Variants in BTBD9 observed in about 807,000 individuals in gnomAD.
The protein encoded by BTBD9 is BTB/POZ domain-containing protein 9.
In BTBD9, 49 loss-of-function variants were observed where a neutral mutation model predicts 64.3. The observed-to-expected ratio is 0.76, with a 90% confidence interval of 0.61 to 0.97. BTBD9 has a LOEUF of 0.97. Ranked by LOEUF, BTBD9 falls within the 50% of genes least tolerant of loss-of-function variation. The pLI is 0.00. For missense variants in BTBD9, 598 were observed against 762.1 expected (o/e 0.78, Z 2.53); for synonymous variants, 260 against 274.7 (o/e 0.95, Z 0.53).
chr6:38,320,554 G>T (rs546989163), intron 7 of BTBD9, among the ~76,000 whole-genome samples: 1 of 152,112 alleles, frequency 6.6e-6, no homozygotes, highest in Non-Finnish European at 1.5e-5. Context: ...TAGAAAGCAG[G>T]CATTCAGAGA....
intron 3 of BTBD9, among the ~76,000 whole-genome samples, chr6:38,593,184 G>A (rs1415948625): frequency 2.0e-5 from 3 of 152,168 alleles, no homozygotes; most frequent in South Asian, 4.1e-4. Flanking sequence ...ACATTGTTAA[G>A]TTAGAAAGAC....
At chr6:38,181,658 G>T (rs1179131007) in intron 10 of BTBD9, among the ~76,000 whole-genome samples, 2 of 152,162 alleles carry the variant, frequency 1.3e-5, no homozygotes, top group Non-Finnish European at 2.9e-5. Flanking sequence ...ATAAACCTTG[G>T]TTTTTTATGT....
chr6:38,629,665 T>C lies in BTBD9; in HGVS notation c.-28+10135A>G, dbSNP rs150916268. ...GGTGAAACCCTGTCTCTACTAAAAATACAAAAATTAGCTGGGTGTGATGGC... is the reference window on the plus strand; with the variant it reads ...GGTGAAACCCTGTCTCTACTAAAAACACAAAAATTAGCTGGGTGTGATGGC... On this transcript the variant is annotated intron_variant, in intron 1 of 10. Coordinates refer to ENST00000481247, the MANE Select transcript of BTBD9 (RefSeq NM_001099272.2). Among the ~76,000 whole-genome samples the C allele has an allele frequency of 4.2e-3, 634 of 150,430 alleles. 9 individuals are homozygous for C. Among genetic ancestry groups the C allele is most frequent in the African/African-American group, 0.015 (601 of 40,868 alleles).
chr6:38,503,424 A>C (rs1231924129), intron 6 of BTBD9, among the ~76,000 whole-genome samples: 1 of 150,254 alleles, frequency 6.7e-6, no homozygotes, highest in African/African-American at 2.5e-5. Flanking sequence ...TCCCTCTCCA[A>C]CCTCTCTCTC....
chr6:38,381,716 C>G (rs1045153883), intron 6 of BTBD9, among the ~76,000 whole-genome samples: 1 of 152,072 alleles, frequency 6.6e-6, no homozygotes, highest in African/African-American at 2.4e-5. Context: ...TTTAAAGGAT[C>G]AGTATCACAC....
intron 9 of BTBD9, among the ~76,000 whole-genome samples, chr6:38,217,678 A>T (rs866681235): frequency 2.0e-5 from 3 of 151,082 alleles, no homozygotes; most frequent in Admixed American, 6.6e-5. Context: ...TTTTTTAAAC[A>T]TTATTATTTT....
intron 9 of BTBD9, among the ~76,000 whole-genome samples, chr6:38,255,769 C>A (rs964682604): frequency 6.6e-6 from 1 of 152,038 alleles, no homozygotes; most frequent in Non-Finnish European, 1.5e-5. Context: ...GATAGAGCCC[C>A]ATAATAACTA....
At chr6:38,361,421 T>C (rs1337601848) in intron 6 of BTBD9, among the ~76,000 whole-genome samples, 2 of 152,056 alleles carry the variant, frequency 1.3e-5, no homozygotes, top group South Asian at 2.1e-4. Context: ...TGGTGGCACA[T>C]GGCTATAGTC....
intron 7 of BTBD9, among the ~76,000 whole-genome samples, chr6:38,326,366 G>T (rs766569789): frequency 2.6e-5 from 4 of 152,182 alleles, no homozygotes; most frequent in Non-Finnish European, 4.4e-5. Context: ...GAGCGCCATG[G>T]TGAAGATTTT....
Position 38,169,593 on chromosome 6 carries a change from A to C in BTBD9, c.*5392T>G, listed in dbSNP as rs1766664115. The C allele has an allele frequency of 1.3e-5, 2 of 152,476 alleles. No individual in the cohort carries two copies. The highest frequency in any genetic ancestry group is 2.9e-5 in the Non-Finnish European group (2 of 68,186). The allele number at this position is 152,476 out of a possible 1,614,324, so 9.4% of individuals were successfully genotyped here. A position where few individuals can be genotyped will look rare whatever the true frequency, so the allele number is the denominator to read the frequency against. ...GCAACGCCTCCTCTGCGCCAGGGCC[A>C]GGGCCTCTCCCCCTAGTGGAGCGAC... On this transcript the variant is annotated 3_prime_UTR_variant, in exon 11 of 11. Coordinates refer to ENST00000481247, the MANE Select transcript of BTBD9 (RefSeq NM_001099272.2).
At chr6:38,226,641 T>C (rs1200163542) in intron 9 of BTBD9, among the ~76,000 whole-genome samples, 2 of 152,174 alleles carry the variant, frequency 1.3e-5, no homozygotes, top group African/African-American at 2.4e-5. Context: ...GGCAAGGTTT[T>C]TGACTCTGGA....
chr6:38,577,209 C>T (rs1776078772), intron 6 of BTBD9, among the ~76,000 whole-genome samples: 1 of 152,162 alleles, frequency 6.6e-6, no homozygotes, highest in Non-Finnish European at 1.5e-5. Context: ...GGGAAGACTC[C>T]AGAAATATTT....
At chr6:38,263,391 G>A (rs1469713477) in intron 8 of BTBD9, among the ~76,000 whole-genome samples, 2 of 152,136 alleles carry the variant, frequency 1.3e-5, no homozygotes, top group Admixed American at 6.5e-5. Context: ...TTTTTGGTAT[G>A]TCTGTACATT....
At chr6:38,416,501 ATTTTT>A (rs70981549) in intron 6 of BTBD9, among the ~76,000 whole-genome samples, 1 of 86,770 alleles carries the variant, frequency 1.2e-5, no homozygotes, top group Admixed American at 1.3e-4. Context: ...TGCCCAGCTA[ATTTTT>A]TTTTTTTTTT....
intron 4 of BTBD9, among the ~76,000 whole-genome samples, chr6:38,583,082 C>T (rs1776365276): frequency 6.6e-6 from 1 of 152,168 alleles, no homozygotes; most frequent in Non-Finnish European, 1.5e-5. Flanking sequence ...ATCAATGATG[C>T]ATAACTACTT....
At chr6:38,374,950 C>G (rs1465514141) in intron 6 of BTBD9, among the ~76,000 whole-genome samples, 3 of 152,224 alleles carry the variant, frequency 2.0e-5, no homozygotes, top group Non-Finnish European at 4.4e-5. Flanking sequence ...TGATAGCCAT[C>G]ACTCTGGAGA....
At chr6:38,230,468 C>T (rs1029464771) in intron 9 of BTBD9, among the ~76,000 whole-genome samples, 5 of 137,054 alleles carry the variant, frequency 3.6e-5, no homozygotes, top group African/African-American at 1.4e-4. Context: ...GCACTCTAAC[C>T]TGGGCAACAA....
In BTBD9 at chr6:38,286,852, C is replaced by G. The variant is rs527677333; in HGVS notation, c.1454+1420G>C. 9.9e-5 allele frequency among the ~76,000 whole-genome samples: 15 copies of G among 151,958 alleles called. No homozygotes were observed. In the East Asian group the frequency reaches 2.3e-3, roughly 24 times the overall value. On this transcript the variant is annotated intron_variant, in intron 8 of 10. Transcript: ENST00000481247. The stretch of plus-strand genomic sequence containing the variant: ...ATCCCAGCACTTTGGGAGGCCGAGG[C>G]GGGCTGATCACTTGAGGTCAGGAGT...
At chr6:38,219,129 C>CTT (rs5875622) in intron 9 of BTBD9, among the ~76,000 whole-genome samples, 79 of 70,882 alleles carry the variant, frequency 1.1e-3, no homozygotes, top group Non-Finnish European at 1.5e-3. Context: ...ACTTTCTTTT[C>CTT]TTTTTTTTTT....
Sources: allele counts gnomAD v4.1 joint callset (sites outside exome capture counted in the v4.1 genomes callset), GRCh38; gene constraint gnomAD v4.1.1; transcripts MANE v1.5; gene names NCBI Gene and HGNC (gene_info 2026-07-23, HGNC 2026-07-21).